The following AUTS2 variants were observed in gnomAD, a reference collection of about 807,000 sequenced individuals.
The protein encoded by AUTS2 is activator of transcription and developmental regulator AUTS2, also known as autism susceptibility gene 2 protein.
In AUTS2, 17 loss-of-function variants were observed where a neutral mutation model predicts 112.4. That is an observed-to-expected ratio of 0.15 (90% CI 0.10 to 0.23). AUTS2 has a LOEUF of 0.23. Ranked by LOEUF, AUTS2 falls within the 10% of genes least tolerant of loss-of-function variation. The pLI is 1.00. For synonymous variants in AUTS2, 751 were observed against 702.7 expected (o/e 1.07, Z -1.09); for missense variants, 1,510 against 1,701.6 (o/e 0.89, Z 1.98).
intron 4 of AUTS2, among the ~76,000 whole-genome samples, chr7:70,401,718 G>A (rs1194615507): frequency 1.3e-5 from 2 of 152,154 alleles, no homozygotes; most frequent in African/African-American, 4.8e-5. Context: ...CTGCTTCAAG[G>A]CCAAGGCATG....
chr7:70,350,772 T>C (rs1357661473), intron 4 of AUTS2, among the ~76,000 whole-genome samples: 1 of 152,100 alleles, frequency 6.6e-6, no homozygotes, highest in Admixed American at 6.6e-5. Context: ...TCCTGGCAAA[T>C]TTTCAGTCTA....
chr7:70,740,975 T>C (rs1788069550), intron 6 of AUTS2, among the ~76,000 whole-genome samples: 1 of 151,988 alleles, frequency 6.6e-6, no homozygotes, highest in African/African-American at 2.4e-5. Flanking sequence ...GTACCAGTAA[T>C]TCCAGCTACT....
intron 4 of AUTS2, among the ~76,000 whole-genome samples, chr7:70,321,581 A>G (rs1298072062): frequency 6.6e-6 from 1 of 152,112 alleles, no homozygotes; most frequent in African/African-American, 2.4e-5. Flanking sequence ...ACTCCCAGAT[A>G]CTCTCTACTC....
At chr7:70,713,373 TC>T (rs2129550246) in intron 6 of AUTS2, among the ~76,000 whole-genome samples, 1 of 152,368 alleles carries the variant, frequency 6.6e-6, no homozygotes, top group African/African-American at 2.4e-5. Flanking sequence ...TGTTTTGAAA[TC>T]TTTTTTTCTT....
chr7:69,634,051 C>T (rs1326536139), intron 1 of AUTS2, among the ~76,000 whole-genome samples: 1 of 151,986 alleles, frequency 6.6e-6, no homozygotes, highest in Non-Finnish European at 1.5e-5. Context: ...CCTGTATTCT[C>T]TTCTAGGAGT....
Position 70,053,545 on chromosome 7 carries a change from T to TTTTTTTTTTTTG in AUTS2, c.523-64586_523-64575dup, listed in dbSNP as rs67046421. 2.0e-4 allele frequency among the ~76,000 whole-genome samples: 18 copies of TTTTTTTTTTTTG among 88,528 alleles called. 1 individual carries two copies. The highest frequency in any genetic ancestry group is 8.4e-4 in the African/African-American group (17 of 20,304). The allele number at this position is 88,528 out of a possible 152,430, so 58.1% of individuals were successfully genotyped here. A position where few individuals can be genotyped will look rare whatever the true frequency, so the allele number is the denominator to read the frequency against. Reference sequence around the variant, plus strand: ...TTGTGGCAACCACTGTTTTGGGTGGTTTTTTTTTTTTGGAGACAGGATCTC... The same window carrying TTTTTTTTTTTTG: ...TTGTGGCAACCACTGTTTTGGGTGGTTTTTTTTTTTTGTTTTTTTTTTTGGAGACAGGATCTC... On this transcript the variant is annotated intron_variant, in intron 2 of 18. Transcript: ENST00000342771.
At chr7:70,213,592 T>C (rs1490576810) in intron 4 of AUTS2, among the ~76,000 whole-genome samples, 1 of 151,990 alleles carries the variant, frequency 6.6e-6, no homozygotes, top group Non-Finnish European at 1.5e-5. Context: ...TGAACAGTAC[T>C]AATGTATGAA....
At chr7:69,691,083 G>C (rs939803251) in intron 1 of AUTS2, among the ~76,000 whole-genome samples, 3 of 152,174 alleles carry the variant, frequency 2.0e-5, no homozygotes, top group African/African-American at 7.2e-5. Flanking sequence ...TCCTGCAGCT[G>C]GTAGTCCTGA....
intron 2 of AUTS2, among the ~76,000 whole-genome samples, chr7:70,000,934 T>C (rs368308268): frequency 6.6e-6 from 1 of 152,224 alleles, no homozygotes; most frequent in Non-Finnish European, 1.5e-5. Flanking sequence ...TCCTGAGGAC[T>C]AGACAGAAGC....
At chr7:69,994,521 T>C (rs1364661752) in intron 2 of AUTS2, among the ~76,000 whole-genome samples, 1 of 152,188 alleles carries the variant, frequency 6.6e-6, no homozygotes, top group African/African-American at 2.4e-5. Context: ...TGTTTCCATG[T>C]TGTCTGTGTG....
intron 1 of AUTS2, among the ~76,000 whole-genome samples, chr7:69,808,073 T>A (rs550094374): frequency 1.3e-5 from 2 of 151,910 alleles, no homozygotes; most frequent in South Asian, 4.2e-4. Context: ...GACTACAGGC[T>A]TGCACTACCA....
chr7:70,237,015 A>G (rs1012352200), intron 4 of AUTS2, among the ~76,000 whole-genome samples: 1 of 152,178 alleles, frequency 6.6e-6, no homozygotes, highest in African/African-American at 2.4e-5. Flanking sequence ...AGAATGTCAG[A>G]TGTGGAACAG....
intron 4 of AUTS2, among the ~76,000 whole-genome samples, chr7:70,406,661 C>T (rs1319657637): frequency 6.6e-6 from 1 of 152,208 alleles, no homozygotes; most frequent in Non-Finnish European, 1.5e-5. Context: ...TCATCTGTAT[C>T]AATTGGAAAT....
intron 2 of AUTS2, among the ~76,000 whole-genome samples, chr7:70,102,238 C>T (rs1393160796): frequency 6.6e-6 from 1 of 151,508 alleles, no homozygotes; most frequent in South Asian, 2.1e-4. Flanking sequence ...CCTGCCTCAG[C>T]CTCCCGAGTA....
At chr7:69,747,734 A>ATG (rs1265795210) in intron 1 of AUTS2, among the ~76,000 whole-genome samples, 3 of 137,692 alleles carry the variant, frequency 2.2e-5, no homozygotes, top group Admixed American at 7.4e-5. Context: ...GTGTGTGTGT[A>ATG]TGTGTGTGTG....
intron 2 of AUTS2, among the ~76,000 whole-genome samples, chr7:70,032,089 TA>T (rs1800808355): frequency 6.6e-6 from 1 of 152,078 alleles, no homozygotes; most frequent in Admixed American, 6.6e-5. Flanking sequence ...TAGTGGGTCA[TA>T]AAAGCAAAAA....
At chr7:70,702,846 G>A (rs1298477121) in intron 6 of AUTS2, among the ~76,000 whole-genome samples, 1 of 152,320 alleles carries the variant, frequency 6.6e-6, no homozygotes, top group South Asian at 2.1e-4. Flanking sequence ...AGGCCTATTA[G>A]TGGAACACAC....
intron 1 of AUTS2, among the ~76,000 whole-genome samples, chr7:69,724,624 G>A (rs1417561516): frequency 1.3e-5 from 2 of 152,198 alleles, no homozygotes; most frequent in Non-Finnish European, 2.9e-5. Flanking sequence ...TTGTTTTGCT[G>A]AGCTGAATGA....
intron 2 of AUTS2, among the ~76,000 whole-genome samples, chr7:70,049,865 G>T (rs572598408): frequency 6.6e-6 from 1 of 151,814 alleles, no homozygotes; most frequent in Non-Finnish European, 1.5e-5. Context: ...GTGTGTGTTT[G>T]TGTGTGTGTA....
Sources: allele counts gnomAD v4.1 joint callset (sites outside exome capture counted in the v4.1 genomes callset), GRCh38; gene constraint gnomAD v4.1.1; transcripts MANE v1.5; gene names NCBI Gene and HGNC (gene_info 2026-07-23, HGNC 2026-07-21).